Variants in PTCHD4 observed in about 807,000 individuals in gnomAD.
PTCHD4 encodes the protein patched domain-containing protein 4.
A neutral mutation model predicts 58.1 loss-of-function variants in PTCHD4; 33 were observed. That is an observed-to-expected ratio of 0.57 (90% CI 0.43 to 0.76). The LOEUF (loss-of-function observed/expected upper bound fraction) is 0.76, where lower values mean the gene tolerates loss of function less well. Among genes scored for constraint, PTCHD4 ranks in the 30% least tolerant of loss-of-function variants. The probability of loss-of-function intolerance (pLI) is 0.00; values close to 1 mark genes in which losing one functional copy is unlikely to be tolerated. For synonymous variants in PTCHD4, 478 were observed against 409.6 expected (o/e 1.17, Z -2.02); for missense variants, 1,058 against 1,027.1 (o/e 1.03, Z -0.41).
chr6:48,037,227 G>A (rs1021325384), intron 3 of PTCHD4, among the ~76,000 whole-genome samples: 1 of 152,096 alleles, frequency 6.6e-6, no homozygotes, highest in Non-Finnish European at 1.5e-5. Flanking sequence ...ACAGTATATT[G>A]TTATCATTGT....
chr6:47,985,312 A>G (rs547462841), intron 4 of PTCHD4, among the ~76,000 whole-genome samples: 1 of 152,248 alleles, frequency 6.6e-6, no homozygotes, highest in East Asian at 1.9e-4. Flanking sequence ...GCTAAAACTG[A>G]TAAGTGGTAC....
rs1295980074 is a variant in PTCHD4, at chr6:47,890,758, CAGGGCCTTGGTGCTGCCAAAAGATG to C, written c.899-10847_899-10823del. On this transcript the variant is annotated intron_variant, in intron 4 of 4. Transcript: ENST00000339488. ...GCTCTCTTTTCAGCTTTCCTTGCTG[CAGGGCCTTGGTGCTGCCAAAAGATG>C]AAGCACCACTGCAGAGCCAGCACAC... 2.0e-5 allele frequency: 6 copies of C among 292,844 alleles called. No individual in the cohort carries two copies. The South Asian group carries it at 7.9e-4, about 38-fold the overall frequency. 18.1% of individuals were successfully genotyped at this position (292,844 alleles called of 1,614,324 possible).
chr6:47,872,306 A>G lies in PTCHD4; in HGVS notation c.*5997T>C, dbSNP rs1763734789. Among the ~76,000 whole-genome samples, 1 of 151,746 alleles carries G rather than the reference A, an allele frequency of 6.6e-6. No homozygotes were observed. The highest frequency in any genetic ancestry group is 6.6e-5 in the Admixed American group (1 of 15,204). ...TTATTCCTAGGAAATTCTTCAATGC[A>G]GTCTTCCAAAGCATTAGAATTTTTT... On this transcript the variant is annotated 3_prime_UTR_variant, in exon 5 of 5. Transcript: ENST00000339488.
intron 4 of PTCHD4, among the ~76,000 whole-genome samples, chr6:47,957,926 T>C (rs1024777646): frequency 3.3e-5 from 5 of 152,204 alleles, no homozygotes; most frequent in South Asian, 4.1e-4. Flanking sequence ...TTTTAAGATA[T>C]ATACACATCA....
chr6:47,920,957 T>C (rs1439363823), intron 4 of PTCHD4, among the ~76,000 whole-genome samples: 1 of 152,150 alleles, frequency 6.6e-6, no homozygotes, highest in African/African-American at 2.4e-5. Context: ...CAAAGTCTCA[T>C]TCCATTCACC....
chr6:47,945,403 A>C (rs1045189296), intron 4 of PTCHD4, among the ~76,000 whole-genome samples: 1 of 152,072 alleles, frequency 6.6e-6, no homozygotes, highest in African/African-American at 2.4e-5. Context: ...CAGCCTAAGA[A>C]ATACTTTACA....
intron 3 of PTCHD4, among the ~76,000 whole-genome samples, chr6:48,034,029 C>T (rs1763543734): frequency 6.6e-6 from 1 of 152,050 alleles, no homozygotes; most frequent in Non-Finnish European, 1.5e-5. Flanking sequence ...TGGAAAGCAC[C>T]TTCAGCAAGT....
At chr6:47,895,580 A>G (rs1764506197) in intron 4 of PTCHD4, among the ~76,000 whole-genome samples, 1 of 152,216 alleles carries the variant, frequency 6.6e-6, no homozygotes, top group Admixed American at 6.5e-5. Flanking sequence ...TATTAATTAA[A>G]CACCTACCAT....
intron 4 of PTCHD4, among the ~76,000 whole-genome samples, chr6:47,934,555 A>C (rs1489020503): frequency 1.3e-5 from 2 of 152,204 alleles, no homozygotes; most frequent in Non-Finnish European, 2.9e-5. Flanking sequence ...TTAGTTGCAA[A>C]AGTATATAAG....
In PTCHD4 at chr6:47,897,713, T is replaced by G. The variant is rs141989783; in HGVS notation, c.899-17777A>C. On this transcript the variant is annotated intron_variant, in intron 4 of 4. Transcript: ENST00000339488. ...AACACTGTGCTTTTATTTATAAGGATGACAGCTTAACTCTTATTTAGCTTC... is the reference window on the plus strand; with the variant it reads ...AACACTGTGCTTTTATTTATAAGGAGGACAGCTTAACTCTTATTTAGCTTC... Among the ~76,000 whole-genome samples, 417 of 152,312 alleles carry G rather than the reference T, an allele frequency of 2.7e-3. 3 individuals are homozygous for G. Among genetic ancestry groups the G allele is most frequent in the African/African-American group, 8.1e-3 (336 of 41,574 alleles).
intron 3 of PTCHD4, among the ~76,000 whole-genome samples, chr6:48,030,856 T>A (rs958100888): frequency 6.6e-6 from 1 of 152,126 alleles, no homozygotes; most frequent in Non-Finnish European, 1.5e-5. Context: ...TTTATTTTCA[T>A]AGAAATATCC....
At position 48,071,371 on chromosome 6, in the gene PTCHD4, A is replaced by G. The variant is rs78898643; in HGVS notation, c.-969-1445T>C. ...TAGAATTATAATGGCATGGAAATACATTCACTGAATGTTAACTGAAGAATT... is the reference window on the plus strand; with the variant it reads ...TAGAATTATAATGGCATGGAAATACGTTCACTGAATGTTAACTGAAGAATT... On this transcript the variant is annotated intron_variant, in intron 1 of 4. Transcript: ENST00000339488. 4.4e-3 allele frequency among the ~76,000 whole-genome samples: 666 copies of G among 152,340 alleles called. 14 individuals are homozygous for G. The highest frequency in any genetic ancestry group is 0.016 in the African/African-American group (646 of 41,582).
chr6:47,923,207 T>A (rs925436481), intron 4 of PTCHD4, among the ~76,000 whole-genome samples: 4 of 152,200 alleles, frequency 2.6e-5, no homozygotes, highest in African/African-American at 9.6e-5. Flanking sequence ...AAATTCAAAG[T>A]ATAAAAGAGA....
At chr6:48,000,793 C>T (rs1173783198) in intron 4 of PTCHD4, among the ~76,000 whole-genome samples, 3 of 152,186 alleles carry the variant, frequency 2.0e-5, no homozygotes, top group East Asian at 3.8e-4. Flanking sequence ...TAGTCCCTTT[C>T]CTACTCAGTG....
intron 4 of PTCHD4, among the ~76,000 whole-genome samples, chr6:47,880,858 C>A (rs1447213616): frequency 6.6e-6 from 1 of 152,124 alleles, no homozygotes; most frequent in Non-Finnish European, 1.5e-5. Context: ...TTTTTACTAG[C>A]AAAAGGAGAA....
chr6:47,933,259 G>A (rs938791201), intron 4 of PTCHD4, among the ~76,000 whole-genome samples: 9 of 152,316 alleles, frequency 5.9e-5, no homozygotes, highest in African/African-American at 2.2e-4. Context: ...GAGCTCCATA[G>A]GTGCTTTCAA....
At chr6:47,890,790 C>A in intron 4 of PTCHD4, 1 of 515,542 alleles carries the variant, frequency 1.9e-6, no homozygotes, top group Non-Finnish European at 2.5e-6. Context: ...GATGAAGCAC[C>A]ACTGCAGAGC....
At chr6:48,016,887 C>T (rs16876924) in intron 3 of PTCHD4, among the ~76,000 whole-genome samples, 9,385 of 152,196 alleles carry the variant, frequency 0.062, 388 homozygotes, top group African/African-American at 0.11. Flanking sequence ...ATTTGTTCCT[C>T]CTATGTACTA....
At chr6:47,976,564 G>T (rs752408397) in intron 4 of PTCHD4, among the ~76,000 whole-genome samples, 13 of 151,930 alleles carry the variant, frequency 8.6e-5, no homozygotes, top group Non-Finnish European at 1.9e-4. Context: ...TGAGGCAGGA[G>T]AATTGCTTGA....
Sources: gnomAD v4.1 joint callset for allele counts (sites outside exome capture counted in the v4.1 genomes callset) on GRCh38, gnomAD v4.1.1 for gene constraint, MANE v1.5 for transcripts, NCBI Gene and HGNC (gene_info 2026-07-23, HGNC 2026-07-21) for gene names.